PAX8: variants seen among roughly 807,000 people sequenced by gnomAD.
The protein encoded by PAX8 is paired box 8.
Under a neutral mutation model 52.4 loss-of-function variants are expected in PAX8, and 15 were observed. The ratio of observed to expected loss-of-function variants is 0.29; its 90% CI spans 0.19 to 0.44. PAX8 has a LOEUF of 0.44. Among genes scored for constraint, PAX8 ranks in the 20% least tolerant of loss-of-function variants. The pLI is 1.00. For synonymous variants in PAX8, 284 were observed against 249.7 expected (o/e 1.14, Z -1.29); for missense variants, 554 against 602.5 (o/e 0.92, Z 0.84).
intron 9 of PAX8, among the ~76,000 whole-genome samples, chr2:113,233,184 C>G (rs1235850041): frequency 1.3e-5 from 2 of 151,964 alleles, no homozygotes; most frequent in Non-Finnish European, 2.9e-5. Flanking sequence ...ACAAATGACC[C>G]ATCTCTGCTG....
chr2:113,255,148 AGAAG>A (rs1024920241), intron 2 of PAX8, among the ~76,000 whole-genome samples: 2 of 136,962 alleles, frequency 1.5e-5, no homozygotes, highest in East Asian at 2.0e-4. Flanking sequence ...AAGGAAGGAA[AGAAG>A]GAAGGAAGAA....
At chr2:113,251,330 C>T (rs557788654) in intron 2 of PAX8, among the ~76,000 whole-genome samples, 11 of 151,832 alleles carry the variant, frequency 7.2e-5, no homozygotes, top group Admixed American at 6.6e-4. Flanking sequence ...GCTTTGAGGC[C>T]GGAAGCCAAA....
At chr2:113,221,852 A>G (rs1056513337) in intron 10 of PAX8, among the ~76,000 whole-genome samples, 4 of 152,184 alleles carry the variant, frequency 2.6e-5, no homozygotes, top group African/African-American at 7.2e-5. Context: ...TAGGAAGTCA[A>G]TGACGGACTG....
intron 2 of PAX8, among the ~76,000 whole-genome samples, chr2:113,278,147 A>G (rs1693958266): frequency 6.6e-6 from 1 of 152,204 alleles, no homozygotes; most frequent in African/African-American, 2.4e-5. Flanking sequence ...TGGTCCCTCG[A>G]AACCGGGCAA....
chr2:113,229,136 C>T (rs774281070), intron 9 of PAX8, among the ~76,000 whole-genome samples: 2 of 152,174 alleles, frequency 1.3e-5, no homozygotes, highest in Non-Finnish European at 2.9e-5. Flanking sequence ...ACCAGGCACA[C>T]ACAACTTCTT....
chr2:113,238,953 T>C (rs1034040690), intron 7 of PAX8: 9 of 152,172 alleles, frequency 5.9e-5, no homozygotes, highest in Non-Finnish European at 7.4e-5. Context: ...TTGATTTTTT[T>C]TGATGCATTT....
intron 5 of PAX8, among the ~76,000 whole-genome samples, chr2:113,242,408 GGGCTCAGGTCCTT>G (rs1264894174): frequency 1.3e-5 from 2 of 152,116 alleles, no homozygotes; most frequent in African/African-American, 4.8e-5. Flanking sequence ...AGCCCTGGAG[GGGCTCAGGTCCTT>G]CCTCCAGGGG....
chr2:113,224,162 T>A (rs1400306675), intron 10 of PAX8, among the ~76,000 whole-genome samples: 2 of 151,926 alleles, frequency 1.3e-5, no homozygotes, highest in African/African-American at 2.4e-5. Flanking sequence ...AATGGACGAA[T>A]GAATATGGAT....
At position 113,220,724 on chromosome 2, in the gene PAX8, G is replaced by T. The variant is rs1298946941; in HGVS notation, c.1190-546C>A. On this transcript the variant is annotated intron_variant, in intron 10 of 11. Transcript: ENST00000429538. ...TATGAGTGTGTGTGTTTGTGTGCAT[G>T]GGGGGCTGAGGGGAGGTGTGAGGGT... Among the ~76,000 whole-genome samples, 4 of 152,172 alleles carry T rather than the reference G, an allele frequency of 2.6e-5. No homozygotes were observed. The East Asian group carries it at 7.7e-4, about 29-fold the overall frequency.
intron 9 of PAX8, among the ~76,000 whole-genome samples, chr2:113,235,118 G>A (rs1341070999): frequency 2.0e-5 from 3 of 152,148 alleles, no homozygotes; most frequent in Admixed American, 1.3e-4. Flanking sequence ...AAGTTGCTAC[G>A]TTACAGCACC....
rs752558663 is a variant in PAX8 at position 113,244,636 on chromosome 2, G to C, written c.192-12C>G. The C allele has an allele frequency of 3.1e-6, 5 of 1,613,036 alleles. No homozygotes were observed. The East Asian group carries it at 8.9e-5, about 29-fold the overall frequency. On this transcript the variant is annotated splice_polypyrimidine_tract_variant and intron_variant, in intron 3 of 11. Transcript: ENST00000429538. ...CAGTCTCGTAGTACCTACTCCAATA[G>C]AGAATCCCAAAGAATTACCCAATAA...
chr2:113,278,292 A>T, intron 2 of PAX8, 78 bp downstream of exon 2: 1 of 1,188,262 alleles, frequency 8.4e-7, no homozygotes, highest in Non-Finnish European at 1.2e-6. Context: ...GACGCTCTCG[A>T]GATCCAACCA....
chr2:113,242,949 A>T (rs1690987197), intron 4 of PAX8, among the ~76,000 whole-genome samples, 171 bp from the exon 5 acceptor site: 1 of 152,124 alleles, frequency 6.6e-6, no homozygotes, highest in East Asian at 1.9e-4. Context: ...AGTCCTCCTC[A>T]GTTGTCCGCA....
chr2:113,224,627 T>C (rs527470826), intron 10 of PAX8, among the ~76,000 whole-genome samples: 102 of 148,680 alleles, frequency 6.9e-4, no homozygotes, highest in African/African-American at 2.4e-3. Flanking sequence ...GGATGGATGA[T>C]GAAAGATAGA....
chr2:113,260,782 C>G (rs1268325938), intron 2 of PAX8, among the ~76,000 whole-genome samples: 1 of 152,100 alleles, frequency 6.6e-6, no homozygotes, highest in Non-Finnish European at 1.5e-5. Flanking sequence ...AGGATACAAC[C>G]TGATGGGCTT....
chr2:113,259,589 G>A (rs1692516389), intron 2 of PAX8: 2 of 152,686 alleles, frequency 1.3e-5, no homozygotes, highest in African/African-American at 4.8e-5. Flanking sequence ...CCTCAGGTCA[G>A]TTCAGTCAGA....
chr2:113,245,797 A>G (rs760111229), intron 3 of PAX8, among the ~76,000 whole-genome samples: 6 of 152,196 alleles, frequency 3.9e-5, no homozygotes, highest in Non-Finnish European at 7.3e-5. Flanking sequence ...AACCCATCAC[A>G]GGAATCCCCT....
chr2:113,267,209 G>T (rs1223859451), intron 2 of PAX8: 2 of 152,376 alleles, frequency 1.3e-5, no homozygotes, highest in African/African-American at 4.8e-5. Flanking sequence ...GCAGCCACCT[G>T]CCTTCAGTGC....
chr2:113,224,836 AAATATAAAATAAAAT>A (rs1558685961), intron 10 of PAX8, among the ~76,000 whole-genome samples: 1 of 138,196 alleles, frequency 7.2e-6, no homozygotes, highest in African/African-American at 2.8e-5. Flanking sequence ...AAATAAAATA[AAATATAAAATAAAAT>A]AAAATAAAAT....
Sources: allele counts gnomAD v4.1 joint callset (sites outside exome capture counted in the v4.1 genomes callset), GRCh38; gene constraint gnomAD v4.1.1; transcripts MANE v1.5; gene names NCBI Gene and HGNC (gene_info 2026-07-23, HGNC 2026-07-21).